Variants in CELSR1 observed in about 807,000 individuals in gnomAD.
CELSR1 encodes adhesion G protein-coupled receptor C1.
CELSR1 carries 110 observed loss-of-function variants against 249.1 expected under a neutral mutation model. That is an observed-to-expected ratio of 0.44 (90% CI 0.38 to 0.52). CELSR1 has a LOEUF of 0.52. Ranked by LOEUF, CELSR1 falls within the 20% of genes least tolerant of loss-of-function variation. The pLI is 0.00. For missense variants in CELSR1, 4,109 were observed against 4,296.4 expected (o/e 0.96, Z 1.22); for synonymous variants, 2,113 against 1,900.0 (o/e 1.11, Z -2.92).
At chr22:46,524,226 C>T (rs574528611) in intron 1 of CELSR1, among the ~76,000 whole-genome samples, 32 of 152,346 alleles carry the variant, frequency 2.1e-4, no homozygotes, top group African/African-American at 5.3e-4. Context: ...TTCACTGAGA[C>T]GATGCAGGCA....
chr22:46,483,151 C>T (rs1392560151), intron 1 of CELSR1, among the ~76,000 whole-genome samples: 1 of 152,122 alleles, frequency 6.6e-6, no homozygotes, highest in Non-Finnish European at 1.5e-5. Flanking sequence ...TGTTTATGAT[C>T]TTGAGATAGG....
rs754986568 is a variant in CELSR1, at chr22:46,367,129, G to A, written c.8080-11C>T. ...GAGGACGAAGGGGCCCTGGAGGGAG[G>A]AAGGTGGGGTCAGCACCTGCTGCTG... On this transcript the variant is annotated splice_polypyrimidine_tract_variant and intron_variant, in intron 28 of 34. Coordinates refer to ENST00000674500, the MANE Select transcript of CELSR1 (RefSeq NM_001378328.1). The A allele has an allele frequency of 9.3e-6, 15 of 1,609,208 alleles. No individual in the cohort carries two copies. Among genetic ancestry groups the A allele is most frequent in the Admixed American group, 6.7e-5 (4 of 59,794 alleles).
At position 46,394,000 on chromosome 22, in the gene CELSR1, G is replaced by A. The variant is rs1401524667; in HGVS notation, c.5964+142C>T. On this transcript the variant is annotated intron_variant, in intron 14 of 34. Coordinates refer to ENST00000674500, the MANE Select transcript of CELSR1 (RefSeq NM_001378328.1). The surrounding 1 kb of genome is among the most constrained non-coding windows in gnomAD (Gnocchi z 4.1). ...CCAAAAACCACATCTGTACACAAAT[G>A]TGATGTGAGTGGGCACAGGTGTGTG... 1.8e-6 allele frequency: 2 copies of A among 1,119,118 alleles called. No individual in the cohort carries two copies. Among genetic ancestry groups the A allele is most frequent in the African/African-American group, 3.2e-5 (2 of 63,120 alleles). 69.3% of individuals were successfully genotyped at this position (1,119,118 alleles called of 1,614,324 possible). A position where few individuals can be genotyped will look rare whatever the true frequency, so the allele number is the denominator to read the frequency against.
At position 46,436,153 on chromosome 22, in the gene CELSR1, T is replaced by A; in HGVS notation, c.4522+21A>T. 1 of 1,588,532 alleles carries A rather than the reference T, an allele frequency of 6.3e-7. No homozygotes were observed. Among genetic ancestry groups the A allele is most frequent in the South Asian group, 1.1e-5 (1 of 90,620 alleles). Reference sequence around the variant, plus strand: ...ATCTGTGAATTGCTCAGAGCTGCCCTTCCTGGGGAGAAGGCCCCACCTGCA... The same window carrying A: ...ATCTGTGAATTGCTCAGAGCTGCCCATCCTGGGGAGAAGGCCCCACCTGCA... On this transcript the variant is annotated intron_variant, in intron 4 of 34. Coordinates refer to ENST00000674500, the MANE Select transcript of CELSR1 (RefSeq NM_001378328.1). The surrounding 1 kb of genome is among the most constrained non-coding windows in gnomAD (Gnocchi z 5.9).
chr22:46,502,616 G>T (rs1049637331), intron 1 of CELSR1, among the ~76,000 whole-genome samples: 4 of 152,080 alleles, frequency 2.6e-5, no homozygotes, highest in Non-Finnish European at 4.4e-5. Context: ...AGCCCCAGTG[G>T]CATGGCCAAT....
intron 1 of CELSR1, among the ~76,000 whole-genome samples, chr22:46,529,982 A>G (rs577327305): frequency 1.3e-5 from 2 of 152,152 alleles, no homozygotes; most frequent in Admixed American, 6.5e-5. Flanking sequence ...TACACATTGC[A>G]TGCCTGTGCC....
At position 46,411,040 on chromosome 22, in the gene CELSR1, A is replaced by G. The variant is rs1171181814; in HGVS notation, c.4770-479T>C. Among the ~76,000 whole-genome samples the G allele has an allele frequency of 6.6e-6, 1 of 152,100 alleles. No individual in the cohort carries two copies. The highest frequency in any genetic ancestry group is 6.5e-5 in the Admixed American group (1 of 15,278). ...GGCCAACAGGATGGTGTCTACTAAA[A>G]ATACAAAAATTAGCTGGGCGTGGTG... On this transcript the variant is annotated intron_variant, in intron 6 of 34. Transcript: ENST00000674500. This position sits in a 1 kb window ranked among gnomAD's most constrained non-coding sequence, Gnocchi z 4.2.
rs2079741054 is a variant in CELSR1 at position 46,441,072 on chromosome 22, C to G, written c.4184-1661G>C. 6.6e-6 allele frequency among the ~76,000 whole-genome samples: 1 copy of G among 151,112 alleles called. No homozygotes were observed. The highest frequency in any genetic ancestry group is 1.5e-5 in the Non-Finnish European group (1 of 67,882). On this transcript the variant is annotated intron_variant, in intron 2 of 34. Coordinates refer to ENST00000674500, the MANE Select transcript of CELSR1 (RefSeq NM_001378328.1). The surrounding 1 kb of genome is among the most constrained non-coding windows in gnomAD (Gnocchi z 6.1). ...GGAGGCTGAGGCAGGAGAACTGCTT[C>G]AACCCGGGAGGCGGAGGTTGTAGCG...
chr22:46,489,445 C>G (rs898195661), intron 1 of CELSR1, among the ~76,000 whole-genome samples: 30 of 151,822 alleles, frequency 2.0e-4, no homozygotes, highest in African/African-American at 6.8e-4. Context: ...GCTTGGGGGC[C>G]CCAAACCTCT....
chr22:46,492,712 G>A (rs985645454), intron 1 of CELSR1, among the ~76,000 whole-genome samples: 1 of 152,092 alleles, frequency 6.6e-6, no homozygotes, highest in South Asian at 2.1e-4. Context: ...CTACTTGGGA[G>A]GCTGAGGCAG....
rs370545626 is a variant in CELSR1 at position 46,391,643 on chromosome 22, G to C, written c.6138C>G (p.Leu2046=). ...CDNPFAEVTT[L]GCEVIYNGCP... is the part of the protein sequence containing the mutation. ...AGGGGCAACGCGGACCTTCACAGCC[G>C]AGCGTGGTGACCTCGGCAAACGGGT... is the stretch of plus-strand genomic sequence containing the variant. Residue 2046 remains leucine (L), a synonymous_variant, in exon 15 of 35, where the codon CTC becomes CTG. Coordinates refer to ENST00000674500, the MANE Select transcript of CELSR1 (RefSeq NM_001378328.1). This position sits in a 1 kb window ranked among gnomAD's most constrained non-coding sequence, Gnocchi z 4.3. 1.9e-6 allele frequency: 3 copies of C among 1,600,848 alleles called. No individual in the cohort carries two copies. Among genetic ancestry groups the C allele is most frequent in the Non-Finnish European group, 2.6e-6 (3 of 1,176,468 alleles).
At chr22:46,443,508 G>T (rs1417560966) in intron 2 of CELSR1, among the ~76,000 whole-genome samples, 3 of 152,234 alleles carry the variant, frequency 2.0e-5, no homozygotes, top group Non-Finnish European at 4.4e-5. Context: ...CGCTATGGGG[G>T]TCAGCCCACC....
rs565012843 is a variant in CELSR1 at position 46,467,615 on chromosome 22, G to A, written c.3545-3270C>T. On this transcript the variant is annotated intron_variant, in intron 1 of 34. Transcript: ENST00000674500. The stretch of plus-strand genomic sequence containing the variant: ...AGGCGGGCAGATCACAAGTTCAGGA[G>A]ATCGAGATCATCCTGGCTAACATGG... 2.5e-4 allele frequency among the ~76,000 whole-genome samples: 38 copies of A among 152,140 alleles called. No homozygotes were observed. In the South Asian group the frequency reaches 7.5e-3, roughly 30 times the overall value.
Position 46,437,055 on chromosome 22 carries a change from A to C in CELSR1, c.4407-766T>G, listed in dbSNP as rs10427927. Among the ~76,000 whole-genome samples the C allele has an allele frequency of 0.012, 1,890 of 152,338 alleles. 43 individuals are homozygous for C. The highest frequency in any genetic ancestry group is 0.043 in the African/African-American group (1,786 of 41,576). Reference sequence around the variant, plus strand: ...CCAGAACCCAAAGAAGATCTGGTCCATATCAGTGCTTAATATGGGCTGTTT... The same window carrying C: ...CCAGAACCCAAAGAAGATCTGGTCCCTATCAGTGCTTAATATGGGCTGTTT... On this transcript the variant is annotated intron_variant, in intron 3 of 34. Transcript: ENST00000674500. The surrounding 1 kb of genome is among the most constrained non-coding windows in gnomAD (Gnocchi z 4.9).
At chr22:46,514,694 C>T (rs1010349124) in intron 1 of CELSR1, among the ~76,000 whole-genome samples, 5 of 152,180 alleles carry the variant, frequency 3.3e-5, no homozygotes, top group South Asian at 2.1e-4. Context: ...CGGAGGGAGC[C>T]GGGGCTGCAG....
intron 1 of CELSR1, among the ~76,000 whole-genome samples, chr22:46,513,913 C>CT (rs2080599490): frequency 6.6e-6 from 1 of 150,386 alleles, no homozygotes. Context: ...CTGCCTCAGC[C>CT]CCCCCCGAGT....
In CELSR1 at chr22:46,463,697, G is replaced by A. The variant is rs184127732; in HGVS notation, c.4183+10C>T. ...ATGTACACAAAGCCAGGGTGAGCCC[G>A]GGCACCTACCAGTGAAGTCCTCGAA... On this transcript the variant is annotated intron_variant, in intron 2 of 34. Transcript: ENST00000674500. 1.0e-3 allele frequency: 1,578 copies of A among 1,510,272 alleles called. 10 individuals carry two copies. Among genetic ancestry groups the A allele is most frequent in the Non-Finnish European group, 1.1e-3 (1,259 of 1,131,192 alleles). The allele number at this position is 1,510,272 out of a possible 1,614,324, so 93.6% of individuals were successfully genotyped here. A position where few individuals can be genotyped will look rare whatever the true frequency, so the allele number is the denominator to read the frequency against.
At chr22:46,400,561 T>TAGA (rs2079200414) in intron 9 of CELSR1, among the ~76,000 whole-genome samples, 1 of 152,084 alleles carries the variant, frequency 6.6e-6, no homozygotes, top group Non-Finnish European at 1.5e-5. Context: ...CGCTTGAACC[T>TAGA]GGGAGTCTAC....
rs1363988690 is a variant in CELSR1, at chr22:46,380,653, C to A, written c.7256+135G>T. 9 of 1,002,306 alleles carry A rather than the reference C, an allele frequency of 9.0e-6. No homozygotes were observed. The highest frequency in any genetic ancestry group is 1.2e-5 in the Non-Finnish European group (8 of 683,968). 62.1% of individuals were successfully genotyped at this position (1,002,306 alleles called of 1,614,324 possible). ...AGCAGAGCAGGAGGCTCACTGCCCC[C>A]ACGGGGGACTTAAAGGGGAAACACA... On this transcript the variant is annotated intron_variant, in intron 22 of 34. Coordinates refer to ENST00000674500, the MANE Select transcript of CELSR1 (RefSeq NM_001378328.1). This position sits in a 1 kb window ranked among gnomAD's most constrained non-coding sequence, Gnocchi z 5.1.
Sources: allele counts gnomAD v4.1 joint callset (sites outside exome capture counted in the v4.1 genomes callset), GRCh38; gene constraint gnomAD v4.1.1; non-coding constraint Gnocchi (gnomAD v3.1); transcripts MANE v1.5; gene names NCBI Gene and HGNC (gene_info 2026-07-23, HGNC 2026-07-21).